Variants in MGAT4C observed in about 807,000 individuals in gnomAD.
The protein encoded by MGAT4C is MGAT4 family member C, also known as alpha-1,3-mannosyl-glycoprotein 4-beta-N-acetylglucosaminyltransferase C.
Under a neutral mutation model 40.1 loss-of-function variants are expected in MGAT4C, and 19 were observed. The ratio of observed to expected loss-of-function variants is 0.47; its 90% CI spans 0.33 to 0.70. MGAT4C has a LOEUF of 0.70. Ranked by LOEUF, MGAT4C falls within the 30% of genes least tolerant of loss-of-function variation. The probability of loss-of-function intolerance (pLI) is 0.02; values close to 1 mark genes in which losing one functional copy is unlikely to be tolerated. For missense variants in MGAT4C, 491 were observed against 563.2 expected (o/e 0.87, Z 1.30); for synonymous variants, 181 against 187.1 (o/e 0.97, Z 0.27).
intron 2 of MGAT4C, among the ~76,000 whole-genome samples, chr12:86,667,735 TTTC>T (rs1355480965): frequency 3.3e-5 from 5 of 152,236 alleles, no homozygotes; most frequent in African/African-American, 1.2e-4. Flanking sequence ...AAAATATGAT[TTTC>T]TTATGATTAT....
At chr12:86,231,874 C>T (rs1358530691) in intron 1 of MGAT4C, among the ~76,000 whole-genome samples, 3 of 152,164 alleles carry the variant, frequency 2.0e-5, no homozygotes, top group Admixed American at 2.0e-4. Context: ...AAGTGTGGCT[C>T]ATGCTTGTAA....
intron 4 of MGAT4C, among the ~76,000 whole-genome samples, chr12:86,273,804 T>C (rs920143557): frequency 6.6e-6 from 1 of 152,172 alleles, no homozygotes; most frequent in Non-Finnish European, 1.5e-5. Flanking sequence ...GAAACCCCAA[T>C]AATTCAACGT....
chr12:86,834,668 T>C (rs1308799387), intron 1 of MGAT4C, among the ~76,000 whole-genome samples: 11 of 149,516 alleles, frequency 7.4e-5, no homozygotes. Context: ...ACAGCTGAAA[T>C]TATAACATAG....
At chr12:86,336,850 C>T (rs577851042) in intron 3 of MGAT4C, among the ~76,000 whole-genome samples, 2 of 152,148 alleles carry the variant, frequency 1.3e-5, no homozygotes, top group African/African-American at 2.4e-5. Flanking sequence ...TATTTGTATG[C>T]GAGTTCACTT....
At chr12:86,155,714 T>G (rs1884851694) in intron 1 of MGAT4C, among the ~76,000 whole-genome samples, 1 of 152,186 alleles carries the variant, frequency 6.6e-6, no homozygotes, top group Admixed American at 6.5e-5. Flanking sequence ...ATATATTCTA[T>G]ATAATTTTGT....
chr12:86,010,701 C>T (rs953081694), intron 2 of MGAT4C, among the ~76,000 whole-genome samples: 21 of 151,774 alleles, frequency 1.4e-4, no homozygotes, highest in Non-Finnish European at 2.4e-4. Flanking sequence ...AACCAACAAA[C>T]AAACAAACAC....
At chr12:86,153,996 G>A (rs1884614905) in intron 1 of MGAT4C, among the ~76,000 whole-genome samples, 1 of 152,142 alleles carries the variant, frequency 6.6e-6, no homozygotes, top group South Asian at 2.1e-4. Context: ...TTTCAGGGAT[G>A]TAGAACATTA....
At chr12:86,122,652 A>G (rs999368520) in intron 1 of MGAT4C, among the ~76,000 whole-genome samples, 1 of 152,184 alleles carries the variant, frequency 6.6e-6, no homozygotes, top group Non-Finnish European at 1.5e-5. Context: ...TCAGATGGAA[A>G]TGGTTCTATT....
rs370004227 is a variant in MGAT4C, at chr12:86,617,838, T to C, written c.-229+109371A>G. Among the ~76,000 whole-genome samples the C allele has an allele frequency of 5.8e-4, 89 of 152,232 alleles. No individual in the cohort carries two copies. In the South Asian group the frequency reaches 0.018, roughly 30 times the overall value. On this transcript the variant is annotated intron_variant, in intron 2 of 7. Coordinates refer to the MGAT4C transcript ENST00000548651. The stretch of plus-strand genomic sequence containing the variant: ...AAAACCCCAAATAGACAAATGGAAC[T>C]ATATTAAAGCAAAAAATTTCTGCAT...
chr12:86,236,516 A>G (rs1951552813), intron 1 of MGAT4C, among the ~76,000 whole-genome samples: 1 of 152,060 alleles, frequency 6.6e-6, no homozygotes, highest in Non-Finnish European at 1.5e-5. Context: ...TAATAAAGGG[A>G]GAAGTATAAA....
At chr12:86,394,633 T>C (rs1173757222) in intron 3 of MGAT4C, among the ~76,000 whole-genome samples, 3 of 144,674 alleles carry the variant, frequency 2.1e-5, no homozygotes, top group African/African-American at 7.5e-5. Flanking sequence ...TATATATATA[T>C]ATGTACTTTT....
chr12:86,309,560 A>T (rs561083468), intron 4 of MGAT4C, among the ~76,000 whole-genome samples: 251 of 152,306 alleles, frequency 1.6e-3, no homozygotes, highest in African/African-American at 5.3e-3. Context: ...GCCTAAATTC[A>T]TGCGGGCTCT....
At chr12:86,401,409 T>C (rs1201725518) in intron 3 of MGAT4C, among the ~76,000 whole-genome samples, 1 of 151,910 alleles carries the variant, frequency 6.6e-6, no homozygotes, top group Non-Finnish European at 1.5e-5. Flanking sequence ...ACATATAATT[T>C]TAACAATAAC....
At chr12:86,143,162 T>C (rs1275746365) in intron 1 of MGAT4C, among the ~76,000 whole-genome samples, 1 of 152,198 alleles carries the variant, frequency 6.6e-6, no homozygotes, top group African/African-American at 2.4e-5. Flanking sequence ...GGTATTTTTA[T>C]ATAGCAGTGA....
At chr12:86,450,110 T>C (rs1433234610) in intron 2 of MGAT4C, among the ~76,000 whole-genome samples, 1 of 152,160 alleles carries the variant, frequency 6.6e-6, no homozygotes, top group Non-Finnish European at 1.5e-5. Context: ...ATTCATATGT[T>C]CAGCGTTAGT....
chr12:86,575,376 C>T (rs1960520201), intron 2 of MGAT4C, among the ~76,000 whole-genome samples: 1 of 151,842 alleles, frequency 6.6e-6, no homozygotes, highest in Non-Finnish European at 1.5e-5. Flanking sequence ...ATACCCTTCA[C>T]AGCCTCTGGT....
chr12:86,709,429 G>A (rs1012929834), intron 2 of MGAT4C, among the ~76,000 whole-genome samples: 4 of 152,048 alleles, frequency 2.6e-5, no homozygotes. Flanking sequence ...TAGCATTTAT[G>A]TAATAAAATT....
intron 1 of MGAT4C, among the ~76,000 whole-genome samples, chr12:86,182,528 C>T (rs1449851892): frequency 6.6e-6 from 1 of 152,054 alleles, no homozygotes; most frequent in Non-Finnish European, 1.5e-5. Flanking sequence ...CATTTGTCTT[C>T]TTCCCTCTCC....
At chr12:86,432,545 T>G (rs943568489) in intron 3 of MGAT4C, among the ~76,000 whole-genome samples, 2 of 151,964 alleles carry the variant, frequency 1.3e-5, no homozygotes, top group African/African-American at 4.8e-5. Flanking sequence ...GTTGGGATAC[T>G]TCTTCCCATT....
Sources: gnomAD v4.1 joint callset for allele counts (sites outside exome capture counted in the v4.1 genomes callset) on GRCh38, gnomAD v4.1.1 for gene constraint, MANE v1.5 for transcripts, NCBI Gene and HGNC (gene_info 2026-07-23, HGNC 2026-07-21) for gene names.